The following ATP8B1 variants were observed in gnomAD, a reference collection of about 807,000 sequenced individuals.
ATP8B1 encodes the protein ATPase phospholipid transporting 8B1, also known as phospholipid-transporting ATPase IC.
ATP8B1 carries 80 observed loss-of-function variants against 149.9 expected under a neutral mutation model. The observed-to-expected ratio is 0.53, with a 90% CI of 0.45 to 0.64. The LOEUF is 0.64. Among genes scored for constraint, ATP8B1 ranks in the 30% least tolerant of loss-of-function variants. ATP8B1 has a pLI of 0.00. For synonymous variants in ATP8B1, 536 were observed against 562.8 expected, an observed-to-expected ratio of 0.95 and a Z score of 0.67; for missense variants, 1,247 against 1,552.6, an observed-to-expected ratio of 0.80 and a Z score of 3.31.
chr18:57,773,823 G>A (rs2080284443), intron 1 of ATP8B1, among the ~76,000 whole-genome samples: 1 of 152,028 alleles, frequency 6.6e-6, no homozygotes, highest in African/African-American at 2.4e-5. Context: ...CCTTCCAAAT[G>A]TTTCCAGAAC....
At chr18:57,794,408 A>G (rs1216630195) in intron 1 of ATP8B1, among the ~76,000 whole-genome samples, 1 of 151,392 alleles carries the variant, frequency 6.6e-6, no homozygotes, top group Admixed American at 6.6e-5. Flanking sequence ...ACAGTCTGTA[A>G]CTGACCTTTT....
chr18:57,651,790 C>T (rs1429325295), intron 26 of ATP8B1, among the ~76,000 whole-genome samples: 1 of 150,404 alleles, frequency 6.6e-6, no homozygotes, highest in East Asian at 1.9e-4. Flanking sequence ...TGCCACCATG[C>T]CTGGCTAATT....
chr18:57,782,213 C>T (rs927272019), intron 1 of ATP8B1, among the ~76,000 whole-genome samples: 9 of 152,056 alleles, frequency 5.9e-5, no homozygotes, highest in Non-Finnish European at 7.3e-5. Flanking sequence ...ATAGAATTTG[C>T]GAAAATAAGA....
intron 2 of ATP8B1, among the ~76,000 whole-genome samples, chr18:57,714,938 A>C (rs1308175272): frequency 6.6e-6 from 1 of 152,214 alleles, no homozygotes; most frequent in Non-Finnish European, 1.5e-5. Flanking sequence ...TGACTTCACC[A>C]AACAAACTAA....
At chr18:57,662,653 C>A (rs1050943283) in intron 20 of ATP8B1, 38 bp from the exon 21 acceptor site, 1 of 1,611,136 alleles carries the variant, frequency 6.2e-7, no homozygotes, top group African/African-American at 1.3e-5. Context: ...AAGTGTAAGA[C>A]CCTAAATAGG....
At chr18:57,668,351 A>T in intron 19 of ATP8B1, 78 bp downstream of exon 19, 2 of 1,395,920 alleles carry the variant, frequency 1.4e-6, no homozygotes, top group South Asian at 1.2e-5. Context: ...AAGTCTGAGG[A>T]GGTCATCTTG....
chr18:57,651,664 G>A (rs191161), intron 26 of ATP8B1, among the ~76,000 whole-genome samples: 12 of 150,954 alleles, frequency 7.9e-5, no homozygotes, highest in East Asian at 1.9e-4. Flanking sequence ...ACAGGGTCCC[G>A]CTCTGTCACC....
intron 2 of ATP8B1, among the ~76,000 whole-genome samples, chr18:57,715,210 A>G (rs907609935): frequency 2.0e-5 from 3 of 152,246 alleles, no homozygotes; most frequent in African/African-American, 7.2e-5. Context: ...GAGTTGAAAA[A>G]TGCAACCGAC....
At chr18:57,697,758 G>C (rs968750704) in intron 7 of ATP8B1, 37 bp downstream of exon 7, 1 of 1,611,614 alleles carries the variant, frequency 6.2e-7, no homozygotes, top group Non-Finnish European at 8.5e-7. Flanking sequence ...GGCTGGGGGA[G>C]AACAAGGAAC....
chr18:57,713,263 C>CTTTCTTTCTTTCTT (rs1555694288), intron 2 of ATP8B1, among the ~76,000 whole-genome samples: 1 of 94,484 alleles, frequency 1.1e-5, no homozygotes, highest in African/African-American at 4.2e-5. Flanking sequence ...TTCTTTCTTT[C>CTTTCTTTCTTTCTT]TCTTTCTTTC....
At position 57,648,703 on chromosome 18, in the gene ATP8B1, G is replaced by A; in HGVS notation, c.3541C>T (p.His1181Tyr). 1 of 1,554,300 alleles carries A rather than the reference G, an allele frequency of 6.4e-7. No individual in the cohort carries two copies. The highest frequency in any genetic ancestry group is 8.7e-7 in the Non-Finnish European group (1 of 1,149,442). Residue 1181 changes from histidine (H) to tyrosine (Y), a missense_variant, in exon 28 of 28, where the codon CAT (histidine) becomes TAT (tyrosine). His to Tyr is a moderately conservative substitution (Grantham distance 83, BLOSUM62 2). Transcript: ENST00000648908. ...WPSESDKIQK[H>Y]RKRLKAEEQW... ...TCCTCCGCCTTCAACCGCTTGCGAT[G>A]CTTCTGGATCTGCAAGGGGGAGAGA...
Position 57,694,897 on chromosome 18 carries a change from G to A in ATP8B1, c.941-227C>T, listed in dbSNP as rs1383210127. ...ATACAAAAATTATCTGGGCATGGTGGCACATGCCTATAATCCCAACTACTC... is the reference window on the plus strand; with the variant it reads ...ATACAAAAATTATCTGGGCATGGTGACACATGCCTATAATCCCAACTACTC... On this transcript the variant is annotated intron_variant, in intron 10 of 27. Transcript: ENST00000648908. Among the ~76,000 whole-genome samples, 2 of 152,034 alleles carry A rather than the reference G, an allele frequency of 1.3e-5. 1 individual carries two copies.
At position 57,675,027 on chromosome 18, in the gene ATP8B1, C is replaced by A. The variant is rs1911509898; in HGVS notation, c.1631-5G>T. 1 of 1,613,816 alleles carries A rather than the reference C, an allele frequency of 6.2e-7. No individual in the cohort carries two copies. Among genetic ancestry groups the A allele is most frequent in the East Asian group, 2.2e-5 (1 of 44,874 alleles). On this transcript the variant is annotated splice_region_variant and splice_polypyrimidine_tract_variant and intron_variant, in intron 15 of 27. Coordinates refer to ENST00000648908, the MANE Select transcript of ATP8B1 (RefSeq NM_001374385.1). Reference sequence around the variant, plus strand: ...CTGCCTGGTAGTTGAGCTGACCTAACAAGGAAGCGAGAGAAATCCCAGAAA... The same window carrying A: ...CTGCCTGGTAGTTGAGCTGACCTAAAAAGGAAGCGAGAGAAATCCCAGAAA...
At chr18:57,659,919 C>T (rs1910284310) in intron 22 of ATP8B1, 1 of 152,156 alleles carries the variant, frequency 6.6e-6, no homozygotes, top group Admixed American at 6.6e-5. Context: ...CATGCAATTA[C>T]CTATGTACAG....
At chr18:57,777,911 T>C (rs1429175491) in intron 1 of ATP8B1, among the ~76,000 whole-genome samples, 1 of 152,234 alleles carries the variant, frequency 6.6e-6, no homozygotes, top group Non-Finnish European at 1.5e-5. Flanking sequence ...TCGAAGGTTG[T>C]ACCATTTGCA....
chr18:57,731,694 A>C lies in ATP8B1; in HGVS notation c.114T>G (p.Ser38=), dbSNP rs141463153. 143 of 1,614,158 alleles carry C rather than the reference A, an allele frequency of 8.9e-5. No individual in the cohort carries two copies. In the African/African-American group the frequency reaches 1.8e-3, roughly 20 times the overall value. The change falls in exon 2 of 28, where the codon TCT becomes TCG. Residue 38 remains serine (S), a synonymous_variant. Coordinates refer to ENST00000648908, the MANE Select transcript of ATP8B1 (RefSeq NM_001374385.1). ...ETEDELDDQG[S]AVEPEQNRVN... is the part of the protein sequence containing the mutation. ...CTCGGTTTTGTTCTGGTTCAACAGC[A>C]GACCCCTGGTCATCAAGTTCATCTT...
chr18:57,661,160 G>A lies in ATP8B1; in HGVS notation c.2707+14C>T, dbSNP rs372904950. 3.1e-6 allele frequency: 5 copies of A among 1,612,502 alleles called. No individual in the cohort carries two copies. In the African/African-American group the frequency reaches 6.7e-5, roughly 22 times the overall value. ...AGCACGTTGGGCCTCACTGGCCGTGGGTGCATGACTCACTTTTGATCATGT... is the reference window on the plus strand; with the variant it reads ...AGCACGTTGGGCCTCACTGGCCGTGAGTGCATGACTCACTTTTGATCATGT... On this transcript the variant is annotated intron_variant, in intron 22 of 27. Transcript: ENST00000648908.
chr18:57,694,345 C>A (rs1196449241), intron 11 of ATP8B1, among the ~76,000 whole-genome samples: 2 of 152,068 alleles, frequency 1.3e-5, no homozygotes, highest in Admixed American at 1.3e-4. Context: ...GGGCACCCTA[C>A]AACCGAAATT....
chr18:57,682,066 G>A (rs371468091), intron 15 of ATP8B1, among the ~76,000 whole-genome samples: 19 of 150,906 alleles, frequency 1.3e-4, no homozygotes, highest in South Asian at 6.3e-4. Context: ...GTGCAGTGGC[G>A]TGATCTTGGC....
Sources: allele counts gnomAD v4.1 joint callset (sites outside exome capture counted in the v4.1 genomes callset), GRCh38; gene constraint gnomAD v4.1.1; transcripts MANE v1.5; gene names NCBI Gene and HGNC (gene_info 2026-07-23, HGNC 2026-07-21).